Variants in RFT1 observed in about 807,000 individuals in gnomAD.
RFT1 encodes RFT1 glycolipid translocator homolog.
RFT1 carries 43 observed loss-of-function variants against 62.2 expected under a neutral mutation model. The observed-to-expected ratio is 0.69, with a 90% confidence interval of 0.54 to 0.89. The LOEUF is 0.89. Among genes scored for constraint, RFT1 ranks in the 40% least tolerant of loss-of-function variants. The pLI is 0.00. For missense variants in RFT1, 605 were observed against 649.9 expected, an observed-to-expected ratio of 0.93 and a Z score of 0.75; for synonymous variants, 262 against 264.6, an observed-to-expected ratio of 0.99 and a Z score of 0.10.
the RFT1 span, among the ~76,000 whole-genome samples, chr3:53,076,638 C>T: frequency 6.6e-5 from 10 of 152,042 alleles, no homozygotes. Context: ...GCTCATTTTC[C>T]ATAGTAGGAA....
intron 8 of RFT1, among the ~76,000 whole-genome samples, chr3:53,106,158 A>C (rs1701466688): frequency 2.0e-5 from 3 of 152,106 alleles, no homozygotes; most frequent in Non-Finnish European, 4.4e-5. Context: ...ACCCAAGCCC[A>C]GGAGGTTGAG....
intron 11 of RFT1, among the ~76,000 whole-genome samples, chr3:53,097,041 G>A (rs952140637): frequency 5.9e-5 from 9 of 152,204 alleles, no homozygotes; most frequent in South Asian, 2.1e-4. Context: ...CACCGTGCCC[G>A]GCCCAAATGC....
At chr3:53,115,853 T>C (rs559337113) in intron 6 of RFT1, among the ~76,000 whole-genome samples, 4 of 152,380 alleles carry the variant, frequency 2.6e-5, no homozygotes, top group African/African-American at 9.6e-5. Context: ...TATAGCATAG[T>C]TGAGTACAGA....
chr3:53,075,579 A>C, the RFT1 span, among the ~76,000 whole-genome samples: 1 of 152,170 alleles, frequency 6.6e-6, no homozygotes, highest in Admixed American at 6.5e-5. Context: ...ATCGTGAGGC[A>C]TGTGGTGTCT....
At chr3:53,104,192 A>C (rs986038663) in intron 9 of RFT1, 95 bp from the exon 10 acceptor site, 12 of 1,303,984 alleles carry the variant, frequency 9.2e-6, no homozygotes, top group African/African-American at 4.4e-5. Flanking sequence ...ACTGTTTTAC[A>C]GTTCACTCTT....
At chr3:53,111,771 T>G in intron 7 of RFT1, 59 bp downstream of exon 7, 1 of 1,397,832 alleles carries the variant, frequency 7.2e-7, no homozygotes, top group Non-Finnish European at 1.0e-6. Flanking sequence ...TAATTGGCAG[T>G]CCTATGAAAT....
Position 53,123,864 on chromosome 3 carries a change from A to G in RFT1, c.150-24T>C, listed in dbSNP as rs200917061. On this transcript the variant is annotated intron_variant, in intron 2 of 12. Transcript: ENST00000296292. ...GTCTGTAAATGAAAGGGAGAAATCA[A>G]TAAGGTCTCAAGTTTTTTCATAGAG... 3.5e-5 allele frequency: 55 copies of G among 1,574,472 alleles called. 2 individuals are homozygous for G. The African/African-American group carries it at 4.7e-4, about 13-fold the overall frequency.
At chr3:53,116,964 T>C (rs1701828084) in intron 6 of RFT1, among the ~76,000 whole-genome samples, 1 of 152,226 alleles carries the variant, frequency 6.6e-6, no homozygotes, top group South Asian at 2.1e-4. Context: ...CTAATCTTTA[T>C]GTAAACAATA....
At chr3:53,107,302 ATT>A (rs1003013795) in intron 7 of RFT1, among the ~76,000 whole-genome samples, 1 of 151,592 alleles carries the variant, frequency 6.6e-6, no homozygotes, top group African/African-American at 2.4e-5. Context: ...CACCCGGCTA[ATT>A]TTTTTTGTAT....
chr3:53,115,214 G>A (rs556557569), intron 6 of RFT1, among the ~76,000 whole-genome samples: 4 of 152,190 alleles, frequency 2.6e-5, no homozygotes, highest in Non-Finnish European at 5.9e-5. Flanking sequence ...ATTGGGGCTC[G>A]ACCTGCAGTT....
chr3:53,114,291 C>T (rs935779592), intron 6 of RFT1, among the ~76,000 whole-genome samples: 5 of 152,278 alleles, frequency 3.3e-5, no homozygotes, highest in Non-Finnish European at 7.4e-5. Flanking sequence ...ATGAGGCTCT[C>T]GTGATGCCTG....
chr3:53,088,245 G>C (rs537972804), downstream of RFT1, among the ~76,000 whole-genome samples: 15 of 152,292 alleles, frequency 9.8e-5, no homozygotes, highest in East Asian at 2.9e-3. Flanking sequence ...GGGGGATGGG[G>C]AGAGGAGCAA....
intron 9 of RFT1, 67 bp from the exon 10 acceptor site, chr3:53,104,164 G>A (rs1029818690): frequency 4.3e-5 from 66 of 1,531,236 alleles, no homozygotes; most frequent in Admixed American, 2.7e-4. Context: ...CATCCTTCAC[G>A]TCTGGCCTTC....
intron 1 of RFT1, among the ~76,000 whole-genome samples, chr3:53,126,736 ACTT>A (rs1382814838): frequency 6.6e-6 from 1 of 152,210 alleles, no homozygotes; most frequent in Non-Finnish European, 1.5e-5. Flanking sequence ...TAAGCAAAGA[ACTT>A]CTCCCATGAG....
the RFT1 span, among the ~76,000 whole-genome samples, chr3:53,081,098 G>A: frequency 5.3e-5 from 8 of 152,230 alleles, no homozygotes; most frequent in Non-Finnish European, 8.8e-5. Flanking sequence ...GGAGAGGTGT[G>A]AGGATGAGGC....
chr3:53,110,421 AG>A (rs1269239419), intron 7 of RFT1, among the ~76,000 whole-genome samples: 1 of 152,226 alleles, frequency 6.6e-6, no homozygotes, highest in Non-Finnish European at 1.5e-5. Flanking sequence ...CTAAGTGCTC[AG>A]GCCCTTCACT....
chr3:53,102,409 G>T (rs538766580), intron 10 of RFT1, among the ~76,000 whole-genome samples: 1 of 152,302 alleles, frequency 6.6e-6, no homozygotes, highest in South Asian at 2.1e-4. Flanking sequence ...AAAGTAAAAG[G>T]CAGAGGGACA....
chr3:53,124,993 A>C (rs969082905), intron 2 of RFT1, among the ~76,000 whole-genome samples: 12 of 152,280 alleles, frequency 7.9e-5, no homozygotes, highest in East Asian at 1.9e-4. Context: ...AAAAAGAAGA[A>C]GAAGGTGAAG....
intron 11 of RFT1, among the ~76,000 whole-genome samples, chr3:53,096,920 T>G (rs1054095891): frequency 6.6e-6 from 1 of 151,986 alleles, no homozygotes; most frequent in Non-Finnish European, 1.5e-5. Flanking sequence ...AATTTTTGTA[T>G]TTTTAGTAGA....
Sources: gnomAD v4.1 joint callset for allele counts (sites outside exome capture counted in the v4.1 genomes callset) on GRCh38, gnomAD v4.1.1 for gene constraint, MANE v1.5 for transcripts, NCBI Gene and HGNC (gene_info 2026-07-23, HGNC 2026-07-21) for gene names.